The following PRPF8 variants were observed in gnomAD, a reference collection of about 807,000 sequenced individuals.
The protein encoded by PRPF8 is pre-mRNA-processing-splicing factor 8.
PRPF8 carries 64 observed loss-of-function variants against 285.9 expected under a neutral mutation model. The observed-to-expected ratio is 0.22, with a 90% CI of 0.18 to 0.28. PRPF8 has a LOEUF of 0.28. PRPF8 is among the 10% of genes least tolerant of loss of function. PRPF8 has a pLI of 1.00. For missense variants in PRPF8, 1,426 were observed against 3,026.7 expected (o/e 0.47, Z 12.41); for synonymous variants, 1,325 against 1,118.2 (o/e 1.18, Z -3.69).
At chr17:1,683,836 T>TCC (rs1913075410) in intron 2 of PRPF8, 135 bp from the exon 3 acceptor site, 2 of 1,005,786 alleles carry the variant, frequency 2.0e-6, no homozygotes, top group Non-Finnish European at 3.0e-6. Flanking sequence ...CCTTGCCAAT[T>TCC]CCCTTACCAT....
intron 36 of PRPF8, among the ~76,000 whole-genome samples, chr17:1,655,876 C>T (rs572583361): frequency 7.3e-5 from 11 of 150,362 alleles, no homozygotes; most frequent in Non-Finnish European, 1.2e-4. Context: ...TCCGCCGCCT[C>T]GGCCTCCCAA....
chr17:1,660,211 C>T (rs138257022), intron 30 of PRPF8, among the ~76,000 whole-genome samples: 72 of 150,218 alleles, frequency 4.8e-4, no homozygotes, highest in African/African-American at 1.6e-3. Flanking sequence ...ACCCTCTCCC[C>T]GCGATTCCAC....
Position 1,677,569 on chromosome 17 carries a change from A to G in PRPF8, c.1980T>C (p.Phe660=). Reference sequence around the variant, plus strand: ...GACACAGAGAAAACCACTCACCTTCAAACTGCCGGGCCAGGAGGTTGCCAA... The same window carrying G: ...GACACAGAGAAAACCACTCACCTTCGAACTGCCGGGCCAGGAGGTTGCCAA... The part of the protein sequence containing the change: ...RWLGNLLARQ[F]EGRHSKGVAK... The change falls in exon 14 of 43, where the codon TTT becomes TTC. Residue 660 remains phenylalanine (F), a synonymous_variant. Coordinates refer to ENST00000304992, the MANE Select transcript of PRPF8 (RefSeq NM_006445.4). 1 of 1,614,060 alleles carries G rather than the reference A, an allele frequency of 6.2e-7. No homozygotes were observed.
At chr17:1,680,904 A>T in intron 7 of PRPF8, 25 bp downstream of exon 7, 1 of 1,614,198 alleles carries the variant, frequency 6.2e-7, no homozygotes, top group South Asian at 1.1e-5. Context: ...TCTCCTTTCC[A>T]AATGTTGTGT....
rs1176680168 is a variant in PRPF8, at chr17:1,675,051, G to T, written c.3060+101C>A. On this transcript the variant is annotated intron_variant, in intron 20 of 42. Coordinates refer to ENST00000304992, the MANE Select transcript of PRPF8 (RefSeq NM_006445.4). This position sits in a 1 kb window ranked among gnomAD's most constrained non-coding sequence, Gnocchi z 6.0. ...GCCTCCCAAAGTGCTGGGATTACAG[G>T]CATGAGCCACCGCACCCAGCCTCCT... is the stretch of plus-strand genomic sequence containing the variant. 2.9e-6 allele frequency: 4 copies of T among 1,399,962 alleles called. No homozygotes were observed. In the East Asian group the frequency reaches 9.3e-5, roughly 33 times the overall value. 86.7% of individuals were successfully genotyped at this position (1,399,962 alleles called of 1,614,324 possible). A position where few individuals can be genotyped will look rare whatever the true frequency, so the allele number is the denominator to read the frequency against.
At chr17:1,677,380 C>T (rs2151128623) in intron 14 of PRPF8, 185 bp downstream of exon 14, 4 of 992,864 alleles carry the variant, frequency 4.0e-6, no homozygotes, top group Non-Finnish European at 6.2e-6. Flanking sequence ...AAATGCATGA[C>T]TGCCTCTCAA....
chr17:1,660,649 A>C (rs370379718), intron 29 of PRPF8, 49 bp downstream of exon 29: 33 of 1,614,220 alleles, frequency 2.0e-5, no homozygotes, highest in South Asian at 1.3e-4. Context: ...CCAAGGCAAG[A>C]AGCAGCAACT....
intron 2 of PRPF8, among the ~76,000 whole-genome samples, chr17:1,684,262 A>C (rs1008068917): frequency 6.6e-6 from 1 of 152,218 alleles, no homozygotes; most frequent in African/African-American, 2.4e-5. Context: ...CCGTAAGGAC[A>C]GGAATTTTGT....
At position 1,651,914 on chromosome 17, in the gene PRPF8, C is replaced by A. The variant is rs1306979090; in HGVS notation, c.6370-126G>T. 3.2e-6 allele frequency: 4 copies of A among 1,238,114 alleles called. No individual in the cohort carries two copies. Among genetic ancestry groups the A allele is most frequent in the Non-Finnish European group, 3.5e-6 (3 of 854,118 alleles). The allele number at this position is 1,238,114 out of a possible 1,614,324, so 76.7% of individuals were successfully genotyped here. A position where few individuals can be genotyped will look rare whatever the true frequency, so the allele number is the denominator to read the frequency against. ...GAGTTTCTTAAAACGTGATCAGAACCCCCTGTATCAGAATCAGCTGGGGTG... is the reference window on the plus strand; with the variant it reads ...GAGTTTCTTAAAACGTGATCAGAACACCCTGTATCAGAATCAGCTGGGGTG... On this transcript the variant is annotated intron_variant, in intron 39 of 42. Coordinates refer to ENST00000304992, the MANE Select transcript of PRPF8 (RefSeq NM_006445.4). The surrounding 1 kb of genome is among the most constrained non-coding windows in gnomAD (Gnocchi z 5.1).
chr17:1,657,425 C>T (rs551576389), intron 34 of PRPF8, among the ~76,000 whole-genome samples: 89 of 152,210 alleles, frequency 5.8e-4, no homozygotes, highest in Non-Finnish European at 1.0e-3. Context: ...GCGGGCGGAT[C>T]ACGAGGTCAG....
At position 1,680,821 on chromosome 17, in the gene PRPF8, G is replaced by A. The variant is rs141226955; in HGVS notation, c.1003C>T (p.Pro335Ser). 25 of 1,613,938 alleles carry A rather than the reference G, an allele frequency of 1.5e-5. No individual in the cohort carries two copies. The highest frequency in any genetic ancestry group is 2.0e-5 in the Non-Finnish European group (24 of 1,180,004). The change falls in exon 8 of 43, where the codon CCC (proline) becomes TCC (serine). Residue 335 changes from proline to serine, a missense_variant. By Grantham distance (74) the Pro-to-Ser change is moderately conservative (BLOSUM62 -1). Coordinates refer to ENST00000304992, the MANE Select transcript of PRPF8 (RefSeq NM_006445.4). ...TCAGTTTTGATGAATACAACATTGG[G>A]AGTATGGTACCTAAAATGAAAGGAA... ...HHVHLTWYHT[P>S]NVVFIKTEDP...
chr17:1,677,649 A>G lies in PRPF8; in HGVS notation c.1900T>C (p.Trp634Arg). 1.2e-6 allele frequency: 2 copies of G among 1,613,988 alleles called. No individual in the cohort carries two copies. Among genetic ancestry groups the G allele is most frequent in the Non-Finnish European group, 1.7e-6 (2 of 1,180,000 alleles). The change falls in exon 14 of 43, where the codon TGG becomes CGG. Residue 634 changes from tryptophan (W) to arginine (R), a missense_variant. Trp to Arg is a moderately radical substitution (Grantham distance 101). Transcript: ENST00000304992. ...CGCATGAAAAAGAGCCAGACTCGCC[A>G]ACCGGCAGCCCAGAAGCCACAGCCA... ...GPGCGFWAAG[W>R]RVWLFFMRGI... is the part of the protein sequence containing the mutation.
chr17:1,655,491 C>T lies in PRPF8; in HGVS notation c.5846G>A (p.Arg1949Gln), dbSNP rs1240480408. The change falls in exon 37 of 43, where the codon CGG becomes CAG. Residue 1949 changes from arginine (R) to glutamine (Q), a missense_variant. This residue lies in a region of PRPF8 where 35 missense variants were observed against 47.7 expected (regional missense o/e 0.73). Transcript: ENST00000304992. Reference sequence around the variant, plus strand: ...GTCTGGCTTCAGGATCACTTTTGCCCGATCGTTGTTCACATGTAGGGCACG... The same window carrying T: ...GTCTGGCTTCAGGATCACTTTTGCCTGATCGTTGTTCACATGTAGGGCACG... Reference protein sequence around the residue: ...ILRALHVNNDRAKVILKPDKT... With the variant: ...ILRALHVNNDQAKVILKPDKT... 2.5e-6 allele frequency: 4 copies of T among 1,614,028 alleles called. No individual in the cohort carries two copies. The highest frequency in any genetic ancestry group is 3.4e-6 in the Non-Finnish European group (4 of 1,179,988).
chr17:1,664,933 G>A (rs371275374), intron 24 of PRPF8, among the ~76,000 whole-genome samples: 39 of 151,992 alleles, frequency 2.6e-4, no homozygotes, highest in African/African-American at 7.7e-4. Context: ...CAAGGCGGGT[G>A]AATCACGAGG....
intron 24 of PRPF8, among the ~76,000 whole-genome samples, chr17:1,671,535 G>C (rs140210126): frequency 1.1e-4 from 17 of 152,220 alleles, no homozygotes; most frequent in African/African-American, 4.1e-4. Context: ...GGACAAGAGA[G>C]TGAGATCCCA....
intron 24 of PRPF8, among the ~76,000 whole-genome samples, chr17:1,664,655 T>TA (rs901841307): frequency 1.4e-4 from 21 of 149,342 alleles, no homozygotes; most frequent in South Asian, 4.2e-4. Context: ...AATTAATTAT[T>TA]AAAAAAAAAA....
intron 21 of PRPF8, among the ~76,000 whole-genome samples, 155 bp downstream of exon 21, chr17:1,674,287 G>A (rs1397290049): frequency 1.3e-5 from 2 of 152,166 alleles, no homozygotes; most frequent in Non-Finnish European, 2.9e-5. Flanking sequence ...CTCCCAAAGT[G>A]CTGGGATTAC....
chr17:1,675,442 C>G lies in PRPF8; in HGVS notation c.2873-103G>C. 6.8e-7 allele frequency: 1 copy of G among 1,471,242 alleles called. No individual in the cohort carries two copies. Among genetic ancestry groups the G allele is most frequent in the East Asian group, 2.3e-5 (1 of 44,210 alleles). The allele number at this position is 1,471,242 out of a possible 1,614,324, so 91.1% of individuals were successfully genotyped here. A position where few individuals can be genotyped will look rare whatever the true frequency, so the allele number is the denominator to read the frequency against. Reference sequence around the variant, plus strand: ...TTCCATAACCAATCCCACTATGATTCCACGTATTCATTTGGATTGCTTTGA... The same window carrying G: ...TTCCATAACCAATCCCACTATGATTGCACGTATTCATTTGGATTGCTTTGA... On this transcript the variant is annotated intron_variant, in intron 19 of 42. Coordinates refer to ENST00000304992, the MANE Select transcript of PRPF8 (RefSeq NM_006445.4). The surrounding 1 kb of genome is among the most constrained non-coding windows in gnomAD (Gnocchi z 6.0).
Position 1,658,394 on chromosome 17 carries a change from G to A in PRPF8, c.5377-13C>T, listed in dbSNP as rs758433316. The A allele has an allele frequency of 2.4e-5, 39 of 1,614,018 alleles. No homozygotes were observed. The Admixed American group carries it at 4.2e-4, about 17-fold the overall frequency. The stretch of plus-strand genomic sequence containing the variant: ...TCCCTTCAAAGGTCTAGAGGAGGAC[G>A]GCATTCGTTAGCATGGCCTACACAA... On this transcript the variant is annotated splice_polypyrimidine_tract_variant and intron_variant, in intron 33 of 42. Coordinates refer to ENST00000304992, the MANE Select transcript of PRPF8 (RefSeq NM_006445.4). This position sits in a 1 kb window ranked among gnomAD's most constrained non-coding sequence, Gnocchi z 4.1.
Sources: allele counts gnomAD v4.1 joint callset (sites outside exome capture counted in the v4.1 genomes callset), GRCh38; gene constraint gnomAD v4.1.1; regional missense constraint gnomAD v4.1.1; non-coding constraint Gnocchi (gnomAD v3.1); transcripts MANE v1.5; gene names NCBI Gene and HGNC (gene_info 2026-07-23, HGNC 2026-07-21).